The following RIN3 variants were observed in gnomAD, a reference collection of about 807,000 sequenced individuals.
RIN3 encodes the protein Ras and Rab interactor 3.
Under a neutral mutation model 76.3 loss-of-function variants are expected in RIN3, and 54 were observed. The observed-to-expected ratio is 0.71, with a 90% confidence interval of 0.57 to 0.89. The LOEUF (loss-of-function observed/expected upper bound fraction) is 0.89, where lower values mean the gene tolerates loss of function less well. Ranked by LOEUF, RIN3 falls within the 40% of genes least tolerant of loss-of-function variation. The pLI, the probability that RIN3 is intolerant of heterozygous loss-of-function variation, is 0.00. For missense variants in RIN3, 1,256 were observed against 1,322.1 expected (o/e 0.95, Z 0.78); for synonymous variants, 576 against 564.0 (o/e 1.02, Z -0.30).
At chr14:92,612,426 A>G (rs1885777857) in intron 3 of RIN3, among the ~76,000 whole-genome samples, 2 of 152,340 alleles carry the variant, frequency 1.3e-5, no homozygotes, top group African/African-American at 4.8e-5. Flanking sequence ...CCTCAAGTCC[A>G]AGGTGTCCCT....
At chr14:92,641,074 T>G (rs1226498720) in intron 4 of RIN3, among the ~76,000 whole-genome samples, 164 bp from the exon 5 acceptor site, 1 of 152,112 alleles carries the variant, frequency 6.6e-6, no homozygotes, top group Non-Finnish European at 1.5e-5. Flanking sequence ...AGAGTTGACT[T>G]GATGCTCCTT....
chr14:92,614,569 C>T (rs965523057), intron 3 of RIN3, among the ~76,000 whole-genome samples: 6 of 151,966 alleles, frequency 3.9e-5, no homozygotes, highest in African/African-American at 4.8e-5. Flanking sequence ...ATAATTCCCA[C>T]GAGTTGTGGG....
intron 2 of RIN3, among the ~76,000 whole-genome samples, chr14:92,558,786 T>C (rs575161322): frequency 4.8e-4 from 73 of 152,222 alleles, no homozygotes; most frequent in Non-Finnish European, 9.1e-4. Flanking sequence ...AGCTGTGTAT[T>C]ATTCACCAAC....
chr14:92,530,102 C>T (rs1896846011), intron 1 of RIN3, among the ~76,000 whole-genome samples: 1 of 152,218 alleles, frequency 6.6e-6, no homozygotes, highest in African/African-American at 2.4e-5. Flanking sequence ...TGAGAATCAA[C>T]TATATCTTCC....
intron 9 of RIN3, chr14:92,686,967 C>T (rs1888881612): frequency 6.6e-6 from 1 of 152,240 alleles, no homozygotes; most frequent in Non-Finnish European, 1.5e-5. Context: ...GGAGCCCGGC[C>T]TCGCCTAAGC....
Position 92,641,267 on chromosome 14 carries a change from C to T in RIN3, c.470C>T (p.Pro157Leu). 1 of 1,614,146 alleles carries T rather than the reference C, an allele frequency of 6.2e-7. No individual in the cohort carries two copies. Among genetic ancestry groups the T allele is most frequent in the Non-Finnish European group, 8.5e-7 (1 of 1,179,972 alleles). Residue 157 changes from proline to leucine, a missense_variant, in exon 5 of 10, where the codon CCC (proline) becomes CTC (leucine). Around this residue, in one of 3 missense-constraint regions of RIN3, gnomAD observed 610 missense variants for 626.4 expected, o/e 0.97. Coordinates refer to ENST00000216487, the MANE Select transcript of RIN3 (RefSeq NM_024832.5). ...TTACTGCCCTTCACACTGCGGCTACCCCAGGCCATCCTTGAGGCCAGCAGC... is the reference window on the plus strand; with the variant it reads ...TTACTGCCCTTCACACTGCGGCTACTCCAGGCCATCCTTGAGGCCAGCAGC... ...RDLLPFTLRL[P>L]QAILEASSFT...
Position 92,652,309 on chromosome 14 carries a change from C to A in RIN3, c.1260C>A (p.Asp420Glu), listed in dbSNP as rs760160735. Residue 420 changes from aspartate (D) to glutamate (E), a missense_variant, in exon 6 of 10, where the codon GAC (aspartate) becomes GAA (glutamate). Asp to Glu is a conservative substitution (Grantham distance 45, BLOSUM62 2). Coordinates refer to ENST00000216487, the MANE Select transcript of RIN3 (RefSeq NM_024832.5). This position sits in a 1 kb window ranked among gnomAD's most constrained non-coding sequence, Gnocchi z 6.4. ...QLSLPPQGTSDGPEDTPREST... is the reference protein window; with the variant it reads ...QLSLPPQGTSEGPEDTPREST... ...GCCTGCCTCCCCAAGGGACCTCAGA[C>A]GGCCCTGAGGACACGCCCCGGGAGA... is the stretch of plus-strand genomic sequence containing the variant. 1.2e-6 allele frequency: 2 copies of A among 1,607,810 alleles called. No homozygotes were observed. Among genetic ancestry groups the A allele is most frequent in the African/African-American group, 1.3e-5 (1 of 74,834 alleles).
At chr14:92,596,692 A>T (rs1259869372) in intron 3 of RIN3, among the ~76,000 whole-genome samples, 1 of 152,236 alleles carries the variant, frequency 6.6e-6, no homozygotes, top group East Asian at 1.9e-4. Context: ...CTAAGAGTAT[A>T]TTAACGTGCT....
intron 4 of RIN3, among the ~76,000 whole-genome samples, chr14:92,633,223 C>T (rs1018500419): frequency 2.0e-5 from 3 of 152,142 alleles, no homozygotes; most frequent in African/African-American, 7.2e-5. Flanking sequence ...ATGATGGTTT[C>T]CTGAGTATTT....
intron 3 of RIN3, among the ~76,000 whole-genome samples, chr14:92,592,492 T>G (rs370502629): frequency 2.6e-5 from 4 of 151,796 alleles, no homozygotes; most frequent in East Asian, 3.9e-4. Flanking sequence ...CAGTAGGTAC[T>G]TGAGTCTCTG....
intron 1 of RIN3, among the ~76,000 whole-genome samples, chr14:92,540,314 C>T (rs1327659888): frequency 2.6e-5 from 4 of 152,122 alleles, no homozygotes; most frequent in African/African-American, 2.4e-5. Flanking sequence ...CACCGAGGGT[C>T]GGGGGTCTTA....
chr14:92,592,671 ATTATTATTATTATTATTATTG>A (rs1273859354), intron 3 of RIN3, among the ~76,000 whole-genome samples: 1 of 145,424 alleles, frequency 6.9e-6, no homozygotes, highest in African/African-American at 2.5e-5. Flanking sequence ...TATTATTATT[ATTATTATTATTATTATTATTG>A]TGAGACAGAG....
At chr14:92,559,710 A>T (rs919910444) in intron 2 of RIN3, among the ~76,000 whole-genome samples, 2 of 152,184 alleles carry the variant, frequency 1.3e-5, no homozygotes, top group African/African-American at 4.8e-5. Flanking sequence ...TGGGCCATGA[A>T]GAATGGATGG....
At position 92,685,081 on chromosome 14, in the gene RIN3, G is replaced by A; in HGVS notation, c.2562G>A (p.Gln854=). 1 of 1,613,892 alleles carries A rather than the reference G, an allele frequency of 6.2e-7. No homozygotes were observed. The highest frequency in any genetic ancestry group is 8.5e-7 in the Non-Finnish European group (1 of 1,179,970). ...CCCGGCAGCTGAGTGTGGAGGTGCA[G>A]GACTCCATCCACCGCTGGGAGCGCC... ...TVTRQLSVEV[Q]DSIHRWERRR... is the part of the protein sequence containing the mutation. Residue 854 remains glutamine (Q), a synonymous_variant, in exon 9 of 10, where the codon CAG becomes CAA. Coordinates refer to ENST00000216487, the MANE Select transcript of RIN3 (RefSeq NM_024832.5). The surrounding 1 kb of genome is among the most constrained non-coding windows in gnomAD (Gnocchi z 4.7).
chr14:92,540,137 C>A (rs1430818950), intron 1 of RIN3, among the ~76,000 whole-genome samples: 1 of 152,192 alleles, frequency 6.6e-6, no homozygotes, highest in Non-Finnish European at 1.5e-5. Flanking sequence ...AGTTTGAAGG[C>A]CTTTGACCTG....
chr14:92,598,110 G>A (rs1050562641), intron 3 of RIN3, among the ~76,000 whole-genome samples: 3 of 152,164 alleles, frequency 2.0e-5, no homozygotes, highest in African/African-American at 7.2e-5. Flanking sequence ...AGTCGCAGAT[G>A]TAGCTTTTAA....
intron 1 of RIN3, among the ~76,000 whole-genome samples, chr14:92,526,358 C>T (rs1896730323): frequency 6.6e-6 from 1 of 151,932 alleles, no homozygotes; most frequent in South Asian, 2.1e-4. Context: ...ACTTGGGAGG[C>T]TGATGCGGCA....
intron 7 of RIN3, 78 bp downstream of exon 7, chr14:92,659,547 C>T: frequency 7.3e-7 from 1 of 1,372,740 alleles, no homozygotes; most frequent in African/African-American, 1.5e-5. Context: ...ACCAGGACTC[C>T]AGAGCCCTTG....
In RIN3 at chr14:92,568,471, T is replaced by C. The variant is rs1004732653; in HGVS notation, c.250-8889T>C. Among the ~76,000 whole-genome samples, 9 of 152,238 alleles carry C rather than the reference T, an allele frequency of 5.9e-5. No individual in the cohort carries two copies. The highest frequency in any genetic ancestry group is 1.5e-5 in the Non-Finnish European group (1 of 68,032). ...CGGCACAGTGATGCTGTTTTTGAGG[T>C]GCTGTCTGTGAATACCTTCTAGAAG... On this transcript the variant is annotated intron_variant, in intron 2 of 9. Transcript: ENST00000216487. This position sits in a 1 kb window ranked among gnomAD's most constrained non-coding sequence, Gnocchi z 4.2.
Sources: allele counts gnomAD v4.1 joint callset (sites outside exome capture counted in the v4.1 genomes callset), GRCh38; gene constraint gnomAD v4.1.1; regional missense constraint gnomAD v4.1.1; non-coding constraint Gnocchi (gnomAD v3.1); transcripts MANE v1.5; gene names NCBI Gene and HGNC (gene_info 2026-07-23, HGNC 2026-07-21).